PCMTD2: variants seen among roughly 807,000 people sequenced by gnomAD.
PCMTD2 encodes protein-L-isoaspartate (D-aspartate) O-methyltransferase domain containing 2.
A neutral mutation model predicts 33.4 loss-of-function variants in PCMTD2; 16 were observed. The ratio of observed to expected loss-of-function variants is 0.48; its 90% CI spans 0.32 to 0.73. The LOEUF (loss-of-function observed/expected upper bound fraction) is 0.73. PCMTD2 is among the 30% of genes least tolerant of loss of function. The pLI is 0.03. For missense variants in PCMTD2, 374 were observed against 449.9 expected (o/e 0.83, Z 1.53); for synonymous variants, 161 against 160.8 (o/e 1.00, Z -0.01).
chr20:64,256,027 C>A (rs1458603311), intron 1 of PCMTD2, 157 bp downstream of exon 1: 1 of 152,224 alleles, frequency 6.6e-6, no homozygotes, highest in East Asian at 1.9e-4. Flanking sequence ...CGGGCACCCT[C>A]ACCTCCCCCC....
chr20:64,262,470 T>G (rs1985463727), intron 2 of PCMTD2: 1 of 152,338 alleles, frequency 6.6e-6, no homozygotes, highest in Non-Finnish European at 1.5e-5. Flanking sequence ...TTGATGCAGT[T>G]GAAGGAAGTG....
intron 4 of PCMTD2, among the ~76,000 whole-genome samples, chr20:64,267,679 G>C (rs1179081810): frequency 6.6e-6 from 1 of 152,162 alleles, no homozygotes; most frequent in Non-Finnish European, 1.5e-5. Context: ...TAGGCCTAGG[G>C]CCTGAATATA....
chr20:64,268,389 C>T (rs1985745766), intron 5 of PCMTD2, among the ~76,000 whole-genome samples: 2 of 152,194 alleles, frequency 1.3e-5, no homozygotes, highest in African/African-American at 4.8e-5. Flanking sequence ...CTTCTGCTCC[C>T]CAGGGCGCCA....
intron 5 of PCMTD2, 146 bp from the exon 6 acceptor site, chr20:64,273,075 C>T (rs1985971489): frequency 3.2e-6 from 2 of 624,816 alleles, no homozygotes; most frequent in South Asian, 4.4e-5. Context: ...CACTAATTGA[C>T]ATTTGCTTAG....
At chr20:64,258,209 CT>C (rs745869058) in intron 1 of PCMTD2, among the ~76,000 whole-genome samples, 2 of 152,162 alleles carry the variant, frequency 1.3e-5, no homozygotes, top group Non-Finnish European at 2.9e-5. Flanking sequence ...CATGATTCCG[CT>C]TTTAACCACT....
chr20:64,260,347 C>A, intron 2 of PCMTD2, 75 bp downstream of exon 2: 1 of 1,033,382 alleles, frequency 9.7e-7, no homozygotes, highest in Non-Finnish European at 1.5e-6. Flanking sequence ...AAAATGTAGT[C>A]TGCTAATGGC....
Position 64,273,211 on chromosome 20 carries a change from T to G in PCMTD2, c.707-10T>G. On this transcript the variant is annotated splice_polypyrimidine_tract_variant and intron_variant, in intron 5 of 5. Transcript: ENST00000308824. ...TGCATTTGACTGTGTCTCACTCTTCTGTGCTGCAGCACCAGTGGCAGTTCG... is the reference window on the plus strand; with the variant it reads ...TGCATTTGACTGTGTCTCACTCTTCGGTGCTGCAGCACCAGTGGCAGTTCG... 6.2e-7 allele frequency: 1 copy of G among 1,609,336 alleles called. No homozygotes were observed. Among genetic ancestry groups the G allele is most frequent in the Non-Finnish European group, 8.5e-7 (1 of 1,177,386 alleles).
In PCMTD2 at chr20:64,274,842, CAG is replaced by C. The variant is rs1986051414; in HGVS notation, c.*1245_*1246del. 2 of 152,160 alleles carry C rather than the reference CAG, an allele frequency of 1.3e-5. No homozygotes were observed. The highest frequency in any genetic ancestry group is 2.4e-5 in the African/African-American group (1 of 41,426). 9.4% of individuals were successfully genotyped at this position (152,160 alleles called of 1,614,324 possible). A position where few individuals can be genotyped will look rare whatever the true frequency, so the allele number is the denominator to read the frequency against. On this transcript the variant is annotated 3_prime_UTR_variant, in exon 6 of 6. Coordinates refer to ENST00000308824, the MANE Select transcript of PCMTD2 (RefSeq NM_018257.3). ...TTTGGTAGTCACATAGCAGAATGAT[CAG>C]AGTTACATTGCTTATTCCAAAACAT...
At chr20:64,269,435 GT>G (rs1249383917) in intron 5 of PCMTD2, among the ~76,000 whole-genome samples, 1 of 152,200 alleles carries the variant, frequency 6.6e-6, no homozygotes, top group South Asian at 2.1e-4. Context: ...TTGGATGCTT[GT>G]TTTGAGGAGA....
rs535982308 is a variant in PCMTD2, at chr20:64,275,353, A to G, written c.*1753A>G. The G allele has an allele frequency of 6.6e-6, 1 of 152,286 alleles. No homozygotes were observed. Among genetic ancestry groups the G allele is most frequent in the Admixed American group, 6.5e-5 (1 of 15,296 alleles). The allele number at this position is 152,286 out of a possible 1,614,324, so 9.4% of individuals were successfully genotyped here. ...TGGAAATTTTTGGACATTATATTAA[A>G]TGAGTGCTATCTGTGAAATTGGTTA... On this transcript the variant is annotated 3_prime_UTR_variant, in exon 6 of 6. Transcript: ENST00000308824.
At chr20:64,263,670 T>C (rs902829683) in intron 2 of PCMTD2, among the ~76,000 whole-genome samples, 1 of 152,204 alleles carries the variant, frequency 6.6e-6, no homozygotes, top group Admixed American at 6.5e-5. Flanking sequence ...CACAGCAAGA[T>C]GCAGAGTTGA....
chr20:64,258,200 A>G (rs748896491), intron 1 of PCMTD2, among the ~76,000 whole-genome samples: 10 of 152,186 alleles, frequency 6.6e-5, no homozygotes, highest in Non-Finnish European at 1.3e-4. Context: ...ATCCAAACAC[A>G]TGATTCCGCT....
Position 64,274,842 on chromosome 20 carries a change from C to G in PCMTD2, c.*1242C>G, listed in dbSNP as rs1402593932. 1 of 152,160 alleles carries G rather than the reference C, an allele frequency of 6.6e-6. No homozygotes were observed. Among genetic ancestry groups the G allele is most frequent in the Non-Finnish European group, 1.5e-5 (1 of 68,026 alleles). 9.4% of individuals were successfully genotyped at this position (152,160 alleles called of 1,614,324 possible). A position where few individuals can be genotyped will look rare whatever the true frequency, so the allele number is the denominator to read the frequency against. Reference sequence around the variant, plus strand: ...TTTGGTAGTCACATAGCAGAATGATCAGAGTTACATTGCTTATTCCAAAAC... The same window carrying G: ...TTTGGTAGTCACATAGCAGAATGATGAGAGTTACATTGCTTATTCCAAAAC... On this transcript the variant is annotated 3_prime_UTR_variant, in exon 6 of 6. Coordinates refer to ENST00000308824, the MANE Select transcript of PCMTD2 (RefSeq NM_018257.3).
intron 3 of PCMTD2, 25 bp downstream of exon 3, chr20:64,264,556 C>T: frequency 9.1e-7 from 1 of 1,100,844 alleles, no homozygotes; most frequent in Non-Finnish European, 1.4e-6. Context: ...TATCCATTGG[C>T]TCAGATGATG....
At chr20:64,269,173 G>C (rs544242140) in intron 5 of PCMTD2, among the ~76,000 whole-genome samples, 1 of 152,334 alleles carries the variant, frequency 6.6e-6, no homozygotes, top group South Asian at 2.1e-4. Context: ...GTGTATCCTG[G>C]ATAAGCCTGG....
chr20:64,262,270 A>AT (rs1387233630), intron 2 of PCMTD2, among the ~76,000 whole-genome samples: 1 of 147,886 alleles, frequency 6.8e-6, no homozygotes. Context: ...AAAAAAAAAA[A>AT]GTAAGCCTGA....
At chr20:64,265,111 A>G in intron 3 of PCMTD2, 147 bp from the exon 4 acceptor site, 2 of 505,564 alleles carry the variant, frequency 4.0e-6, no homozygotes, top group East Asian at 6.2e-5. Flanking sequence ...TAATTCTTGG[A>G]CATTTGTAAT....
intron 1 of PCMTD2, among the ~76,000 whole-genome samples, chr20:64,257,435 T>C (rs1325387027): frequency 6.6e-6 from 1 of 152,258 alleles, no homozygotes; most frequent in Non-Finnish European, 1.5e-5. Context: ...ATGTGCACAG[T>C]ATCATCGAGT....
chr20:64,267,823 TGATTAAA>T (rs905831490), intron 4 of PCMTD2, 57 bp from the exon 5 acceptor site: 2 of 1,401,648 alleles, frequency 1.4e-6, no homozygotes, highest in Admixed American at 3.6e-5. Context: ...TGTATAGGAA[TGATTAAA>T]TATGAGCTAA....
Sources: gnomAD v4.1 joint callset for allele counts (sites outside exome capture counted in the v4.1 genomes callset) on GRCh38, gnomAD v4.1.1 for gene constraint, MANE v1.5 for transcripts, NCBI Gene and HGNC (gene_info 2026-07-23, HGNC 2026-07-21) for gene names.